MELK: variants seen among roughly 807,000 people sequenced by gnomAD.
MELK encodes pEg3 kinase.
In MELK, 81 loss-of-function variants were observed where a neutral mutation model predicts 85.0. The observed-to-expected ratio is 0.95, with a 90% CI of 0.80 to 1.15. The LOEUF is 1.15. Among genes scored for constraint, MELK ranks in the 50% most tolerant of loss-of-function variants. The pLI is 0.00. For synonymous variants in MELK, 252 were observed against 265.0 expected (o/e 0.95, Z 0.48); for missense variants, 754 against 777.5 (o/e 0.97, Z 0.36).
chr9:36,677,428 G>A lies in MELK; in HGVS notation c.*91G>A, dbSNP rs1233397738. 2 of 1,199,676 alleles carry A rather than the reference G, an allele frequency of 1.7e-6. No homozygotes were observed. Among genetic ancestry groups the A allele is most frequent in the East Asian group, 2.7e-5 (1 of 37,396 alleles). 74.3% of individuals were successfully genotyped at this position (1,199,676 alleles called of 1,614,324 possible). A position where few individuals can be genotyped will look rare whatever the true frequency, so the allele number is the denominator to read the frequency against. On this transcript the variant is annotated 3_prime_UTR_variant, in exon 18 of 18. Transcript: ENST00000298048. Reference sequence around the variant, plus strand: ...GATCGCTTTGATTTTAAAGTTCATTGGAACTACCAACTTGTTTCTAAAGAG... The same window carrying A: ...GATCGCTTTGATTTTAAAGTTCATTAGAACTACCAACTTGTTTCTAAAGAG...
At chr9:36,647,798 C>G (rs536241002) in intron 11 of MELK, among the ~76,000 whole-genome samples, 16 of 152,162 alleles carry the variant, frequency 1.1e-4, no homozygotes, top group African/African-American at 3.6e-4. Context: ...GGCCATGAAG[C>G]CTTACTGTCC....
At chr9:36,631,161 A>G (rs1010015914) in intron 9 of MELK, among the ~76,000 whole-genome samples, 1 of 141,244 alleles carries the variant, frequency 7.1e-6, no homozygotes, top group African/African-American at 2.7e-5. Context: ...ACGAGGTTTC[A>G]CTATGTTAGC....
In MELK at chr9:36,674,934, A is replaced by AGGG. The variant is rs1833213324; in HGVS notation, c.1777_1778+1dup. ...AAGAAGCATGTTGACTTTGTACAAA[A>AGGG]GGGGTAAGAAGCACATTTACAAGCT... is the stretch of plus-strand genomic sequence containing the variant. On this transcript the variant is annotated inframe_insertion, in exon 17 of 18. Coordinates refer to ENST00000298048, the MANE Select transcript of MELK (RefSeq NM_014791.4). 6.4e-7 allele frequency: 1 copy of AGGG among 1,558,572 alleles called. No homozygotes were observed. The highest frequency in any genetic ancestry group is 8.8e-7 in the Non-Finnish European group (1 of 1,130,814).
intron 5 of MELK, among the ~76,000 whole-genome samples, chr9:36,596,712 A>G (rs1226098562): frequency 6.7e-6 from 1 of 149,046 alleles, no homozygotes; most frequent in Non-Finnish European, 1.5e-5. Context: ...TCAACCTCCC[A>G]AGTAGCTGGG....
intron 13 of MELK, among the ~76,000 whole-genome samples, chr9:36,658,740 C>T (rs1025600686): frequency 6.6e-5 from 10 of 151,924 alleles, no homozygotes; most frequent in Admixed American, 1.3e-4. Flanking sequence ...TCCGCTGTAT[C>T]GCCCAGGCTG....
chr9:36,632,617 A>G (rs755713065), intron 9 of MELK, among the ~76,000 whole-genome samples: 5 of 152,186 alleles, frequency 3.3e-5, no homozygotes, highest in Non-Finnish European at 7.3e-5. Context: ...CTCCAAAATA[A>G]CGTTAATCTT....
At chr9:36,592,887 T>A (rs1043424802) in intron 4 of MELK, among the ~76,000 whole-genome samples, 1 of 152,190 alleles carries the variant, frequency 6.6e-6, no homozygotes, top group African/African-American at 2.4e-5. Context: ...CCCCAAAGTA[T>A]AAAACATCTC....
At chr9:36,600,536 A>G (rs1422277862) in intron 7 of MELK, among the ~76,000 whole-genome samples, 1 of 152,076 alleles carries the variant, frequency 6.6e-6, no homozygotes, top group Non-Finnish European at 1.5e-5. Flanking sequence ...CGCGTCCGCC[A>G]CCACGCCTGG....
intron 1 of MELK, among the ~76,000 whole-genome samples, chr9:36,577,810 C>T (rs936417102): frequency 6.6e-6 from 1 of 151,942 alleles, no homozygotes; most frequent in African/African-American, 2.4e-5. Context: ...GGCCACCACG[C>T]CTGGCTAATT....
At chr9:36,665,026 A>G (rs1408527809) in intron 13 of MELK, among the ~76,000 whole-genome samples, 1 of 152,170 alleles carries the variant, frequency 6.6e-6, no homozygotes, top group Non-Finnish European at 1.5e-5. Flanking sequence ...GGTACATGTC[A>G]GAGGCAAGCC....
chr9:36,664,044 A>G (rs546648778), intron 13 of MELK, among the ~76,000 whole-genome samples: 2 of 152,238 alleles, frequency 1.3e-5, no homozygotes, highest in Admixed American at 6.5e-5. Context: ...TGTCTTGGCT[A>G]CATTCAGAGT....
intron 1 of MELK, among the ~76,000 whole-genome samples, chr9:36,575,598 A>G (rs775336415): frequency 2.0e-5 from 3 of 152,174 alleles, no homozygotes; most frequent in Non-Finnish European, 4.4e-5. Flanking sequence ...GAGAAAATGG[A>G]AGAAAGAAAG....
intron 14 of MELK, 131 bp downstream of exon 14, chr9:36,665,712 T>C: frequency 1.6e-6 from 1 of 625,012 alleles, no homozygotes; most frequent in Non-Finnish European, 2.7e-6. Context: ...TTTTTTATCA[T>C]GTCATTTGCA....
chr9:36,599,222 A>C (rs1587381267), intron 6 of MELK, among the ~76,000 whole-genome samples, 172 bp from the exon 7 acceptor site: 1 of 149,098 alleles, frequency 6.7e-6, no homozygotes, highest in African/African-American at 2.5e-5. Context: ...AATCACTTGA[A>C]CCCAGGAGGC....
rs530956522 is a variant in MELK, at chr9:36,589,536, A to G, written c.145A>G (p.Ser49Gly). 3.7e-6 allele frequency: 6 copies of G among 1,609,662 alleles called. No homozygotes were observed. In the African/African-American group the frequency reaches 6.7e-5, roughly 18 times the overall value. Residue 49 changes from serine (S) to glycine (G), a missense_variant and splice_region_variant, in exon 4 of 18, where the codon AGT (serine) becomes GGT (glycine). Ser to Gly is a moderately conservative substitution (Grantham distance 56). Coordinates refer to ENST00000298048, the MANE Select transcript of MELK (RefSeq NM_014791.4). ...IKIMDKNTLG[S>G]DLPRIKTEIE... is the part of the protein sequence containing the mutation. The stretch of plus-strand genomic sequence containing the variant: ...CATTCCATATGATGTTTTGTCACAG[A>G]GTGATTTGCCCCGGATCAAAACGGA...
At chr9:36,577,946 C>A (rs1821820828) in intron 1 of MELK, among the ~76,000 whole-genome samples, 1 of 152,158 alleles carries the variant, frequency 6.6e-6, no homozygotes, top group Admixed American at 6.6e-5. Flanking sequence ...AGCCACTGCG[C>A]CTGGCTGTTT....
intron 3 of MELK, among the ~76,000 whole-genome samples, chr9:36,584,151 G>A (rs1427062476): frequency 1.3e-5 from 2 of 150,038 alleles, no homozygotes; most frequent in East Asian, 1.9e-4. Flanking sequence ...GACTACAGGC[G>A]CCCGCCACTA....
intron 5 of MELK, among the ~76,000 whole-genome samples, chr9:36,595,393 C>T (rs1404231548): frequency 6.6e-6 from 1 of 152,238 alleles, no homozygotes; most frequent in East Asian, 1.9e-4. Flanking sequence ...ACCTCGGCCT[C>T]CCAAATTGCT....
At chr9:36,631,958 C>T (rs892527905) in intron 9 of MELK, among the ~76,000 whole-genome samples, 27 of 152,106 alleles carry the variant, frequency 1.8e-4, no homozygotes, top group African/African-American at 6.3e-4. Context: ...CACGGCATCC[C>T]GCCTTTTCCC....
Sources: gnomAD v4.1 joint callset for allele counts (sites outside exome capture counted in the v4.1 genomes callset) on GRCh38, gnomAD v4.1.1 for gene constraint, MANE v1.5 for transcripts, NCBI Gene and HGNC (gene_info 2026-07-23, HGNC 2026-07-21) for gene names.